The following MAP4K5 variants were observed in gnomAD, a reference collection of about 807,000 sequenced individuals.
MAP4K5 encodes mitogen-activated protein kinase kinase kinase kinase 5, also known as MAPK/ERK kinase kinase kinase 5.
Under a neutral mutation model 135.6 loss-of-function variants are expected in MAP4K5, and 82 were observed. The ratio of observed to expected loss-of-function variants is 0.60; its 90% CI spans 0.51 to 0.73. The LOEUF is 0.73. Ranked by LOEUF, MAP4K5 falls within the 30% of genes least tolerant of loss-of-function variation. The pLI is 0.00. For synonymous variants in MAP4K5, 347 were observed against 335.0 expected, an observed-to-expected ratio of 1.04 and a Z score of -0.39; for missense variants, 907 against 1,010.9, an observed-to-expected ratio of 0.90 and a Z score of 1.39.
At chr14:50,424,182 A>G (rs78528054) in intron 31 of MAP4K5, among the ~76,000 whole-genome samples, 1 of 151,726 alleles carries the variant, frequency 6.6e-6, no homozygotes. Flanking sequence ...AAAAAAAAAA[A>G]GTCTGGTATC....
chr14:50,495,578 T>C (rs2037574704), intron 3 of MAP4K5, among the ~76,000 whole-genome samples: 1 of 152,202 alleles, frequency 6.6e-6, no homozygotes, highest in Non-Finnish European at 1.5e-5. Context: ...CCAAAAGAAC[T>C]GAAAATAGGA....
chr14:50,436,396 G>A (rs1723498175), intron 26 of MAP4K5, among the ~76,000 whole-genome samples: 1 of 152,116 alleles, frequency 6.6e-6, no homozygotes, highest in Non-Finnish European at 1.5e-5. Flanking sequence ...ATGATTCAGG[G>A]TGGGGACTGG....
chr14:50,432,577 C>CAAAAAAAAAAAAAAAAAAAAAA (rs2035997349), intron 28 of MAP4K5, among the ~76,000 whole-genome samples: 2 of 128,478 alleles, frequency 1.6e-5, no homozygotes, highest in African/African-American at 7.1e-5. Flanking sequence ...AAAAAAAAAA[C>CAAAAAAAAAAAAAAAAAAAAAA]AAAAAAACGC....
At chr14:50,520,147 G>A (rs1338889220) in intron 2 of MAP4K5, among the ~76,000 whole-genome samples, 3 of 151,708 alleles carry the variant, frequency 2.0e-5, no homozygotes, top group Non-Finnish European at 1.5e-5. Context: ...GGTGGATCAC[G>A]AGGTCAGGAG....
intron 2 of MAP4K5, among the ~76,000 whole-genome samples, chr14:50,508,668 A>G (rs1320702158): frequency 6.6e-6 from 1 of 152,134 alleles, no homozygotes; most frequent in African/African-American, 2.4e-5. Flanking sequence ...ATACATATGT[A>G]ACAAATCTGC....
chr14:50,491,535 G>A (rs1186394773), intron 3 of MAP4K5, among the ~76,000 whole-genome samples: 5 of 151,808 alleles, frequency 3.3e-5, no homozygotes, highest in African/African-American at 1.2e-4. Context: ...GACTTCAGGT[G>A]ATCCACCAGC....
Position 50,440,433 on chromosome 14 carries a change from T to A in MAP4K5, c.1573A>T (p.Ile525Phe). 6.4e-7 allele frequency: 1 copy of A among 1,555,566 alleles called. No homozygotes were observed. The highest frequency in any genetic ancestry group is 8.8e-7 in the Non-Finnish European group (1 of 1,136,062). The change falls in exon 22 of 33, where the codon ATT becomes TTT. Residue 525 changes from isoleucine (I) to phenylalanine (F), a missense_variant. Coordinates refer to ENST00000682126, the MANE Select transcript of MAP4K5 (RefSeq NM_006575.6). ...WIHPDTKDQY[I>F]IFGTEDGIYT... ...ATACCATCTTCAGTTCCAAAAATAATGTACTGATCTAAAATAGTTGAGATA... is the reference window on the plus strand; with the variant it reads ...ATACCATCTTCAGTTCCAAAAATAAAGTACTGATCTAAAATAGTTGAGATA...
At chr14:50,475,632 A>G (rs2037079285) in intron 8 of MAP4K5, among the ~76,000 whole-genome samples, 1 of 152,176 alleles carries the variant, frequency 6.6e-6, no homozygotes, top group South Asian at 2.1e-4. Context: ...GCCTGAGGCC[A>G]GGAGTCCAAG....
chr14:50,545,002 T>A (rs1465021147), intron 1 of MAP4K5, among the ~76,000 whole-genome samples: 3 of 146,910 alleles, frequency 2.0e-5, no homozygotes, highest in Non-Finnish European at 4.5e-5. Context: ...ACCAGATTAC[T>A]GAAGGGTGTG....
At chr14:50,539,116 A>G (rs1394251698) in intron 2 of MAP4K5, among the ~76,000 whole-genome samples, 1 of 152,244 alleles carries the variant, frequency 6.6e-6, no homozygotes. Flanking sequence ...TTCTAGGATG[A>G]TATCACTCAC....
intron 26 of MAP4K5, among the ~76,000 whole-genome samples, chr14:50,435,540 T>A (rs2036071228): frequency 1.5e-5 from 2 of 133,852 alleles, no homozygotes; most frequent in African/African-American, 2.6e-5. Flanking sequence ...AATTTTTCAA[T>A]TTTTTTTTTT....
intron 3 of MAP4K5, among the ~76,000 whole-genome samples, chr14:50,493,500 G>T (rs2037529588): frequency 6.6e-6 from 1 of 151,912 alleles, no homozygotes; most frequent in Non-Finnish European, 1.5e-5. Flanking sequence ...AAACTGGAAA[G>T]AAATAAGTTA....
chr14:50,521,946 T>C (rs1323043495), intron 2 of MAP4K5, among the ~76,000 whole-genome samples: 1 of 152,180 alleles, frequency 6.6e-6, no homozygotes, highest in Non-Finnish European at 1.5e-5. Context: ...TCATTTATCT[T>C]AGTCAAAGTT....
chr14:50,431,192 A>G (rs538106761), intron 28 of MAP4K5, among the ~76,000 whole-genome samples: 1 of 152,340 alleles, frequency 6.6e-6, no homozygotes, highest in Non-Finnish European at 1.5e-5. Flanking sequence ...GAGATTCAAC[A>G]CAAACATACT....
At chr14:50,482,449 T>C (rs776711574) in intron 5 of MAP4K5, 33 bp from the exon 6 acceptor site, 3 of 1,409,140 alleles carry the variant, frequency 2.1e-6, no homozygotes, top group Non-Finnish European at 2.9e-6. Flanking sequence ...TTGTTATACA[T>C]TTAAACCTAA....
chr14:50,507,818 T>C (rs1421089650), intron 2 of MAP4K5, among the ~76,000 whole-genome samples: 1 of 152,196 alleles, frequency 6.6e-6, no homozygotes, highest in Non-Finnish European at 1.5e-5. Context: ...GAAGAATGTA[T>C]ATTCTGTTGA....
chr14:50,468,410 A>G, intron 10 of MAP4K5: 1 of 442,790 alleles, frequency 2.3e-6, no homozygotes, highest in Non-Finnish European at 4.0e-6. Context: ...AGACTAGTCA[A>G]GTACAGTAGT....
chr14:50,491,942 C>T (rs1276761053), intron 3 of MAP4K5, among the ~76,000 whole-genome samples: 1 of 152,162 alleles, frequency 6.6e-6, no homozygotes, highest in Non-Finnish European at 1.5e-5. Context: ...CTGACTCAGC[C>T]TTCCAAAGTG....
Position 50,439,398 on chromosome 14 carries a change from A to G in MAP4K5, c.1705+615T>C, listed in dbSNP as rs114282018. On this transcript the variant is annotated intron_variant, in intron 23 of 32. Transcript: ENST00000682126. The stretch of plus-strand genomic sequence containing the variant: ...CCGTTCACCCCTAATAATAACCAAG[A>G]AAGAATAAAATGAGGTTACCCTGGA... Among the ~76,000 whole-genome samples, 989 of 151,872 alleles carry G rather than the reference A, an allele frequency of 6.5e-3. 10 individuals carry two copies. Among genetic ancestry groups the G allele is most frequent in the African/African-American group, 0.023 (934 of 41,472 alleles).
Sources: gnomAD v4.1 joint callset for allele counts (sites outside exome capture counted in the v4.1 genomes callset) on GRCh38, gnomAD v4.1.1 for gene constraint, MANE v1.5 for transcripts, NCBI Gene and HGNC (gene_info 2026-07-23, HGNC 2026-07-21) for gene names.